The following MAP1B variants were observed in gnomAD, a reference collection of about 807,000 sequenced individuals.
The protein encoded by MAP1B is microtubule associated protein 1B.
Under a neutral mutation model 176.1 loss-of-function variants are expected in MAP1B, and 12 were observed. That is an observed-to-expected ratio of 0.07 (90% CI 0.04 to 0.11). The LOEUF (loss-of-function observed/expected upper bound fraction) is 0.11. Among genes scored for constraint, MAP1B ranks in the 10% least tolerant of loss-of-function variants. The pLI is 1.00. For synonymous variants in MAP1B, 1,044 were observed against 1,135.0 expected, an observed-to-expected ratio of 0.92 and a Z score of 1.61; for missense variants, 2,523 against 2,990.5, an observed-to-expected ratio of 0.84 and a Z score of 3.65.
chr5:72,110,222 C>A (rs2112110280), intron 1 of MAP1B, among the ~76,000 whole-genome samples: 1 of 152,316 alleles, frequency 6.6e-6, no homozygotes, highest in African/African-American at 2.4e-5. Flanking sequence ...CCCTTGTGTT[C>A]CCTTTGCAAT....
rs868234822 is a variant in MAP1B at position 72,200,259 on chromosome 5, CCCA to C, written c.6912_6914del (p.Thr2305del). The C allele has an allele frequency of 2.5e-6, 4 of 1,614,058 alleles. No individual in the cohort carries two copies. In the African/African-American group the frequency reaches 5.3e-5, roughly 22 times the overall value. On this transcript the variant is annotated inframe_deletion, in exon 5 of 7. Coordinates refer to ENST00000296755, the MANE Select transcript of MAP1B (RefSeq NM_005909.5). ...AGAATCTGTGGAAAAGGCAGCAAAA[CCCA>C]CCACCACTCCTGAGGTCAAAGCTGC...
intron 1 of MAP1B, 42 bp downstream of exon 1, chr5:72,107,757 C>G: frequency 1.3e-6 from 2 of 1,590,930 alleles, no homozygotes; most frequent in Non-Finnish European, 1.7e-6. Flanking sequence ...CTGGGAGACG[C>G]GCAAACACGA....
chr5:72,203,489 T>TG, intron 5 of MAP1B, 74 bp from the exon 6 acceptor site: 2 of 1,050,202 alleles, frequency 1.9e-6, no homozygotes, highest in Non-Finnish European at 3.0e-6. Flanking sequence ...TGTGATTGAG[T>TG]GGGGAACATG....
At chr5:72,114,192 T>C (rs1012987030) in intron 1 of MAP1B, among the ~76,000 whole-genome samples, 6 of 152,362 alleles carry the variant, frequency 3.9e-5, no homozygotes, top group African/African-American at 1.2e-4. Context: ...ATTTTAGATG[T>C]GCAGTGAACT....
At position 72,183,818 on chromosome 5, in the gene MAP1B, G is replaced by T. The variant is rs762095503; in HGVS notation, c.362G>T (p.Ser121Ile). 3 of 1,613,916 alleles carry T rather than the reference G, an allele frequency of 1.9e-6. No homozygotes were observed. The highest frequency in any genetic ancestry group is 2.5e-6 in the Non-Finnish European group (3 of 1,179,836). The change falls in exon 3 of 7, where the codon AGC (serine) becomes ATC (isoleucine). Residue 121 changes from serine to isoleucine, a missense_variant. By Grantham distance (142) the Ser-to-Ile change is moderately radical. Transcript: ENST00000296755. ...ATCAACCCTTCTGATGAAGCAGTCA[G>T]CACCGAGGTAAGCATTCAGCTCTGT... ...VLINPSDEAV[S>I]TEVRLMITDA... is the part of the protein sequence containing the mutation.
chr5:72,164,218 G>A (rs965796585), intron 2 of MAP1B, among the ~76,000 whole-genome samples: 1 of 151,954 alleles, frequency 6.6e-6, no homozygotes, highest in African/African-American at 2.4e-5. Context: ...GGCATGAGCT[G>A]CCACGCCCAG....
rs1747136473 is a variant in MAP1B at position 72,195,482 on chromosome 5, C to A, written c.2127C>A (p.Val709=). The change falls in exon 5 of 7, where the codon GTC becomes GTA. Residue 709 remains valine, a synonymous_variant. Transcript: ENST00000296755. Reference sequence around the variant, plus strand: ...AGAAAGAAACACCGCCAAAGGAAGTCAAGAAGGAAGTTAAGAAGGAAGAGA... The same window carrying A: ...AGAAAGAAACACCGCCAAAGGAAGTAAAGAAGGAAGTTAAGAAGGAAGAGA... ...EVKKETPPKE[V]KKEVKKEEKK... 6.3e-7 allele frequency: 1 copy of A among 1,587,136 alleles called. No homozygotes were observed. Among genetic ancestry groups the A allele is most frequent in the Non-Finnish European group, 8.5e-7 (1 of 1,172,676 alleles).
At chr5:72,129,884 T>G (rs1745698240) in intron 2 of MAP1B, among the ~76,000 whole-genome samples, 1 of 152,210 alleles carries the variant, frequency 6.6e-6, no homozygotes, top group Non-Finnish European at 1.5e-5. Flanking sequence ...TTATCTTTAT[T>G]TTATTGTTTT....
At chr5:72,146,961 CTTTT>C (rs549281263) in intron 2 of MAP1B, among the ~76,000 whole-genome samples, 3 of 134,914 alleles carry the variant, frequency 2.2e-5, no homozygotes, top group Admixed American at 7.5e-5. Context: ...TCCAAATCTT[CTTTT>C]TTTTTTTTTT....
chr5:72,175,558 A>C (rs1434075972), intron 2 of MAP1B, among the ~76,000 whole-genome samples: 1 of 152,142 alleles, frequency 6.6e-6, no homozygotes, highest in East Asian at 1.9e-4. Flanking sequence ...AAGGGAGCAA[A>C]CTTCTTCCTT....
At chr5:72,193,801 A>T (rs1425308899) in intron 4 of MAP1B, 65 bp from the exon 5 acceptor site, 2 of 1,478,590 alleles carry the variant, frequency 1.4e-6, no homozygotes, top group Admixed American at 4.7e-5. Context: ...ATAGCTGGAG[A>T]TGATGGATCA....
chr5:72,144,641 C>A (rs140283037), intron 2 of MAP1B, among the ~76,000 whole-genome samples: 1 of 152,166 alleles, frequency 6.6e-6, no homozygotes, highest in African/African-American at 2.4e-5. Flanking sequence ...GCGATCCCCC[C>A]ACCTCAGCTT....
intron 2 of MAP1B, among the ~76,000 whole-genome samples, chr5:72,160,623 A>G (rs1357862287): frequency 1.3e-5 from 2 of 152,190 alleles, no homozygotes; most frequent in Admixed American, 6.5e-5. Flanking sequence ...CCTACTGAAG[A>G]ATGAACAGAG....
chr5:72,145,465 T>C (rs1746027963), intron 2 of MAP1B, among the ~76,000 whole-genome samples: 1 of 152,230 alleles, frequency 6.6e-6, no homozygotes, highest in Non-Finnish European at 1.5e-5. Flanking sequence ...GATGGTGGTC[T>C]TAAAAGCTTG....
chr5:72,139,441 G>A (rs965623510), intron 2 of MAP1B, among the ~76,000 whole-genome samples: 1 of 152,172 alleles, frequency 6.6e-6, no homozygotes, highest in Admixed American at 6.5e-5. Flanking sequence ...GGGCTGGATC[G>A]TTATTCATTT....
chr5:72,205,258 C>G lies in MAP1B; in HGVS notation c.*19C>G. 3.1e-6 allele frequency: 5 copies of G among 1,592,180 alleles called. No individual in the cohort carries two copies. The highest frequency in any genetic ancestry group is 3.4e-6 in the Non-Finnish European group (4 of 1,171,478). On this transcript the variant is annotated 3_prime_UTR_variant, in exon 7 of 7. Transcript: ENST00000296755. The stretch of plus-strand genomic sequence containing the variant: ...ACTGTAAAAACCAAGGCCAGCCACA[C>G]CACAGGATCTGAACTTTGTTTCCAG...
chr5:72,201,964 A>T (rs1323329970), intron 5 of MAP1B, among the ~76,000 whole-genome samples: 1 of 152,276 alleles, frequency 6.6e-6, no homozygotes, highest in East Asian at 1.9e-4. Context: ...AAATCCATTT[A>T]AACAGATAAA....
At chr5:72,111,663 A>G (rs1401812561) in intron 1 of MAP1B, among the ~76,000 whole-genome samples, 6 of 152,228 alleles carry the variant, frequency 3.9e-5, no homozygotes, top group Admixed American at 3.9e-4. Context: ...TTCTGCTTGC[A>G]CTGCTTAATT....
chr5:72,111,209 C>T (rs963765721), intron 1 of MAP1B, among the ~76,000 whole-genome samples: 4 of 152,140 alleles, frequency 2.6e-5, no homozygotes, highest in Non-Finnish European at 5.9e-5. Flanking sequence ...GACATACATC[C>T]GTGTCTTGCA....
Sources: allele counts gnomAD v4.1 joint callset (sites outside exome capture counted in the v4.1 genomes callset), GRCh38; gene constraint gnomAD v4.1.1; transcripts MANE v1.5; gene names NCBI Gene and HGNC (gene_info 2026-07-23, HGNC 2026-07-21).